The following COPG2 variants were observed in gnomAD, a reference collection of about 807,000 sequenced individuals.
The protein encoded by COPG2 is coatomer subunit gamma-2.
A neutral mutation model predicts 46.3 loss-of-function variants in COPG2; 37 were observed. The ratio of observed to expected loss-of-function variants is 0.80; its 90% confidence interval spans 0.61 to 1.05. COPG2 has a LOEUF of 1.05. Among genes scored for constraint, COPG2 ranks in the 50% least tolerant of loss-of-function variants. The pLI is 0.00. For synonymous variants in COPG2, 159 were observed against 129.7 expected, an observed-to-expected ratio of 1.23 and a Z score of -1.53; for missense variants, 427 against 387.8, an observed-to-expected ratio of 1.10 and a Z score of -0.85.
chr7:130,509,127 G>A, intron 20 of COPG2: 1 of 444,992 alleles, frequency 2.2e-6, no homozygotes, highest in Non-Finnish European at 4.4e-6. Flanking sequence ...TCTTTAGATT[G>A]TGGACTGATG....
intron 20 of COPG2, among the ~76,000 whole-genome samples, chr7:130,522,911 A>AG (rs1382390701): frequency 6.6e-6 from 1 of 151,442 alleles, no homozygotes; most frequent in Non-Finnish European, 1.5e-5. Context: ...TGAGGTCAGG[A>AG]GTTCGAGACC....
At chr7:130,604,848 C>T (rs1563056763) in intron 9 of COPG2, 1 of 426,670 alleles carries the variant, frequency 2.3e-6, no homozygotes, top group Non-Finnish European at 4.5e-6. Context: ...CCTTCCAGTC[C>T]TGGTGGCAGA....
At position 130,551,248 on chromosome 7, in the gene COPG2, GAT is replaced by G; in HGVS notation, c.1639_1640del (p.Ile547LeufsTer2). ...TCCTTGGCTTTCACTGACCATTAAA[GAT>G]ATATGTGGCATTTAGTGCCATCTGC... is the stretch of plus-strand genomic sequence containing the variant. ...QRQMALNATY[I>X]FNGLTVSVPG... On this transcript the variant is annotated frameshift_variant, in exon 16 of 24. Coordinates refer to ENST00000425248, the MANE Select transcript of COPG2 (RefSeq NM_012133.6). LOFTEE classifies it high-confidence loss of function. 1 of 398,540 alleles carries G rather than the reference GAT, an allele frequency of 2.5e-6. No individual in the cohort carries two copies. The highest frequency in any genetic ancestry group is 3.6e-5 in the East Asian group (1 of 28,074). 24.7% of individuals were successfully genotyped at this position (398,540 alleles called of 1,614,324 possible).
At chr7:130,511,768 A>C (rs781791105) in intron 20 of COPG2, 2 of 518,756 alleles carry the variant, frequency 3.9e-6, no homozygotes, top group South Asian at 2.8e-5. Context: ...TCTAGGTCTA[A>C]ATGGTCGGCT....
At chr7:130,614,270 C>T (rs1794907170) in intron 6 of COPG2, among the ~76,000 whole-genome samples, 1 of 152,142 alleles carries the variant, frequency 6.6e-6, no homozygotes, top group Non-Finnish European at 1.5e-5. Context: ...CTAGCACTAG[C>T]ATGGTCAAGT....
intron 5 of COPG2, among the ~76,000 whole-genome samples, chr7:130,642,802 C>T (rs970419537): frequency 6.6e-6 from 1 of 152,134 alleles, no homozygotes; most frequent in Non-Finnish European, 1.5e-5. Context: ...ACGGGCAGAT[C>T]ACTTGAGGTC....
At position 130,517,981 on chromosome 7, in the gene COPG2, C is replaced by T. The variant is rs1046329818; in HGVS notation, c.2150-9322G>A. ...GTGAAGAGCAGCGAAGGCCTGAATACGAGCAGGAGCCAGAAAACAGACTAG... is the reference window on the plus strand; with the variant it reads ...GTGAAGAGCAGCGAAGGCCTGAATATGAGCAGGAGCCAGAAAACAGACTAG... On this transcript the variant is annotated intron_variant, in intron 20 of 23. Coordinates refer to ENST00000425248, the MANE Select transcript of COPG2 (RefSeq NM_012133.6). Among the ~76,000 whole-genome samples the T allele has an allele frequency of 1.6e-4, 24 of 151,642 alleles. No individual in the cohort carries two copies. In the South Asian group the frequency reaches 2.7e-3, roughly 17 times the overall value.
At chr7:130,643,799 T>TA (rs1406790733) in intron 5 of COPG2, among the ~76,000 whole-genome samples, 3 of 151,684 alleles carry the variant, frequency 2.0e-5, no homozygotes, top group East Asian at 1.9e-4. Flanking sequence ...CATCTCTATT[T>TA]AAAAAAAACA....
At chr7:130,591,193 C>T (rs1165611599) in intron 9 of COPG2, among the ~76,000 whole-genome samples, 11 of 138,904 alleles carry the variant, frequency 7.9e-5, no homozygotes, top group African/African-American at 2.7e-4. Context: ...AGGTGAGGGG[C>T]GCCTCTGCCC....
intron 9 of COPG2, among the ~76,000 whole-genome samples, chr7:130,570,243 T>C (rs1793872759): frequency 6.6e-6 from 1 of 151,998 alleles, no homozygotes; most frequent in East Asian, 1.9e-4. Flanking sequence ...ACATCCAAAT[T>C]GGTAAAGAGG....
At chr7:130,623,208 ATGCTTC>A (rs1258352116) in intron 5 of COPG2, among the ~76,000 whole-genome samples, 1 of 152,132 alleles carries the variant, frequency 6.6e-6, no homozygotes, top group Non-Finnish European at 1.5e-5. Flanking sequence ...AATGAGTTAA[ATGCTTC>A]TGTCTTTTCA....
intron 20 of COPG2, chr7:130,511,363 T>C (rs1295836821): frequency 1.9e-6 from 1 of 517,012 alleles, no homozygotes; most frequent in African/African-American, 1.9e-5. Context: ...AGGTCTGGAC[T>C]GAACTGAGAA....
chr7:130,567,352 GGAA>G (rs1793821276), intron 9 of COPG2, among the ~76,000 whole-genome samples: 1 of 152,096 alleles, frequency 6.6e-6, no homozygotes, highest in African/African-American at 2.4e-5. Flanking sequence ...GTGTTCCCAA[GGAA>G]GAAGATAAAT....
intron 20 of COPG2, among the ~76,000 whole-genome samples, chr7:130,519,801 A>G (rs965982083): frequency 7.2e-5 from 11 of 152,246 alleles, no homozygotes; most frequent in Non-Finnish European, 1.2e-4. Context: ...TGGAAAAACA[A>G]TAAGACAGAT....
At chr7:130,586,089 G>A (rs1554447933) in intron 9 of COPG2, among the ~76,000 whole-genome samples, 1 of 151,948 alleles carries the variant, frequency 6.6e-6, no homozygotes, top group African/African-American at 2.4e-5. Context: ...ATCAACAAGT[G>A]GATAAGGAAA....
rs1197540092 is a variant in COPG2, at chr7:130,513,308, A to AATATATATAT, written c.2150-4659_2150-4650dup. Among the ~76,000 whole-genome samples, 52 of 55,632 alleles carry AATATATATAT rather than the reference A, an allele frequency of 9.3e-4. 2 individuals carry two copies. Among genetic ancestry groups the AATATATATAT allele is most frequent in the African/African-American group, 1.6e-3 (17 of 10,540 alleles). The allele number at this position is 55,632 out of a possible 152,430, so 36.5% of individuals were successfully genotyped here. On this transcript the variant is annotated intron_variant, in intron 20 of 23. Transcript: ENST00000425248. ...TTCTGTCTAAAAAAAAAAAAAAAAAAATATATATATATATATATATATATA... is the reference window on the plus strand; with the variant it reads ...TTCTGTCTAAAAAAAAAAAAAAAAAAATATATATATATATATATATATATATATATATATA...
chr7:130,591,887 C>T (rs1401649006), intron 9 of COPG2, among the ~76,000 whole-genome samples: 2 of 152,088 alleles, frequency 1.3e-5, no homozygotes, highest in African/African-American at 2.4e-5. Flanking sequence ...GCCACCACCC[C>T]GTCTGGGAGG....
chr7:130,609,601 T>C (rs1794801494), intron 9 of COPG2, among the ~76,000 whole-genome samples: 1 of 152,236 alleles, frequency 6.6e-6, no homozygotes, highest in Non-Finnish European at 1.5e-5. Context: ...TCTATTCCAT[T>C]CTGTTTCCTT....
chr7:130,643,048 G>T (rs1186017519), intron 5 of COPG2, among the ~76,000 whole-genome samples: 1 of 151,924 alleles, frequency 6.6e-6, no homozygotes, highest in Non-Finnish European at 1.5e-5. Context: ...GTGGCTCCCA[G>T]CACTTTGGGA....
Sources: allele counts gnomAD v4.1 joint callset (sites outside exome capture counted in the v4.1 genomes callset), GRCh38; gene constraint gnomAD v4.1.1; transcripts MANE v1.5; gene names NCBI Gene and HGNC (gene_info 2026-07-23, HGNC 2026-07-21).